Variants in DHX58 observed in about 807,000 individuals in gnomAD.
DHX58 encodes DExH-box helicase 58, also known as ATP-dependent RNA helicase DHX58.
A neutral mutation model predicts 65.0 loss-of-function variants in DHX58; 51 were observed. That is an observed-to-expected ratio of 0.78 (90% CI 0.63 to 0.99). The LOEUF (loss-of-function observed/expected upper bound fraction) is 0.99. DHX58 is among the 50% of genes least tolerant of loss of function. The pLI, the probability that DHX58 is intolerant of heterozygous loss-of-function variation, is 0.00. For synonymous variants in DHX58, 350 were observed against 365.0 expected (o/e 0.96, Z 0.47); for missense variants, 773 against 891.8 (o/e 0.87, Z 1.70).
chr17:42,107,365 A>ATT (rs202158569), intron 8 of DHX58, among the ~76,000 whole-genome samples: 7 of 114,952 alleles, frequency 6.1e-5, no homozygotes, highest in African/African-American at 2.9e-4. Flanking sequence ...GACCCCGACT[A>ATT]TTAAAAAAAA....
chr17:42,107,517 A>G, intron 8 of DHX58, 87 bp downstream of exon 8: 1 of 1,420,276 alleles, frequency 7.0e-7, no homozygotes, highest in Non-Finnish European at 9.3e-7. Flanking sequence ...GCACCTTCCC[A>G]TCCGACCTTG....
rs782699664 is a variant in DHX58, at chr17:42,110,732, G to C, written c.552C>G (p.His184Gln). ...GASKLDGAIN[H>Q]VLQLCANLDT... ...CAGGGGCCAGGCTGACCTGCAGGAC[G>C]TGGTTGATGGCCCCATCGAGTTTGG... The change falls in exon 5 of 14, where the codon CAC becomes CAG. Residue 184 changes from histidine to glutamine, a missense_variant. Physicochemically the swap from His to Gln is conservative, Grantham distance 24. Transcript: ENST00000251642. 6.2e-7 allele frequency: 1 copy of C among 1,604,402 alleles called. No individual in the cohort carries two copies. The highest frequency in any genetic ancestry group is 8.5e-7 in the Non-Finnish European group (1 of 1,174,966).
chr17:42,107,528 G>A lies in DHX58; in HGVS notation c.997+76C>T, dbSNP rs1383798023. On this transcript the variant is annotated intron_variant, in intron 8 of 13. Transcript: ENST00000251642. ...ACGGGCACCTTCCCATCCGACCTTG[G>A]CGCCTGTGCCCTGGCCTCTGACCTC... The A allele has an allele frequency of 2.1e-6, 3 of 1,438,280 alleles. 1 individual carries two copies. Among genetic ancestry groups the A allele is most frequent in the Non-Finnish European group, 2.8e-6 (3 of 1,089,180 alleles). The allele number at this position is 1,438,280 out of a possible 1,614,324, so 89.1% of individuals were successfully genotyped here.
chr17:42,107,555 C>A lies in DHX58; in HGVS notation c.997+49G>T. On this transcript the variant is annotated intron_variant, in intron 8 of 13. Coordinates refer to ENST00000251642, the MANE Select transcript of DHX58 (RefSeq NM_024119.3). ...GCCTGTGCCCTGGCCTCTGACCTCG[C>A]ATCCAGGTCCCATCATCCCCGGCCC... 3 of 1,487,088 alleles carry A rather than the reference C, an allele frequency of 2.0e-6. No individual in the cohort carries two copies. The South Asian group carries it at 4.1e-5, about 20-fold the overall frequency. 92.1% of individuals were successfully genotyped at this position (1,487,088 alleles called of 1,614,324 possible).
chr17:42,110,868 T>C lies in DHX58; in HGVS notation c.416A>G (p.Asp139Gly). 6.2e-7 allele frequency: 1 copy of C among 1,613,600 alleles called. No homozygotes were observed. Among genetic ancestry groups the C allele is most frequent in the Non-Finnish European group, 8.5e-7 (1 of 1,179,762 alleles). Residue 139 changes from aspartate to glycine, a missense_variant, in exon 5 of 14, where the codon GAC becomes GGC. By Grantham distance (94) the Asp-to-Gly change is moderately conservative. Coordinates refer to ENST00000251642, the MANE Select transcript of DHX58 (RefSeq NM_024119.3). ...GCTCATGATGACGTTGTAGACGGTG[T>C]CCTTGTGCGTGTGGTGGCACTCATC... ...VVDECHHTHK[D>G]TVYNVIMSQY...
Position 42,102,270 on chromosome 17 carries a change from T to G in DHX58, c.1797A>C (p.Lys599Asn), listed in dbSNP as rs996683567. Reference sequence around the variant, plus strand: ...CCCCAGGCTTCCAGTCCTTGAAGACTTTGTTGATGACCACAGGATCCCTGG... The same window carrying G: ...CCCCAGGCTTCCAGTCCTTGAAGACGTTGTTGATGACCACAGGATCCCTGG... ...NVSRDPVVIN[K>N]VFKDWKPGGV... The change falls in exon 13 of 14, where the codon AAA becomes AAC. Residue 599 changes from lysine to asparagine, a missense_variant. By Grantham distance (94) the Lys-to-Asn change is moderately conservative. Transcript: ENST00000251642. 6.2e-7 allele frequency: 1 copy of G among 1,614,046 alleles called. No homozygotes were observed. Among genetic ancestry groups the G allele is most frequent in the Non-Finnish European group, 8.5e-7 (1 of 1,180,022 alleles).
chr17:42,102,527 G>A (rs182745086), intron 12 of DHX58: 52 of 532,584 alleles, frequency 9.8e-5, no homozygotes, highest in East Asian at 3.2e-5. Flanking sequence ...CCTCAGCATC[G>A]GTTACCTGGT....
chr17:42,101,859 TC>T lies in DHX58; in HGVS notation c.1938del (p.Ile647SerfsTer93), dbSNP rs1555661600. 9.3e-6 allele frequency: 15 copies of T among 1,614,096 alleles called. No individual in the cohort carries two copies. The highest frequency in any genetic ancestry group is 3.3e-5 in the Admixed American group (2 of 60,008). On this transcript the variant is annotated frameshift_variant, in exon 14 of 14. Transcript: ENST00000251642. LOFTEE classifies it high-confidence loss of function. The part of the protein sequence containing the change: ...RSMLLETPQG[R>X]IQAKKWSRVP... ...ACGCGGGACCACTTTTTGGCCTGGA[TC>T]CGCCCCTGAGGGGTCTCCAGCAGCA...
rs906943275 is a variant in DHX58, at chr17:42,101,454, A to C, written c.*307T>G. 1.1e-5 allele frequency: 3 copies of C among 277,646 alleles called. No homozygotes were observed. The highest frequency in any genetic ancestry group is 6.5e-5 in the African/African-American group (3 of 45,822). 17.2% of individuals were successfully genotyped at this position (277,646 alleles called of 1,614,324 possible). A position where few individuals can be genotyped will look rare whatever the true frequency, so the allele number is the denominator to read the frequency against. ...TTTTATGAGGAGCCTCAAAAAATAGAAGTGGCCTTGGTAGGGAAGGAATGT... is the reference window on the plus strand; with the variant it reads ...TTTTATGAGGAGCCTCAAAAAATAGCAGTGGCCTTGGTAGGGAAGGAATGT... On this transcript the variant is annotated 3_prime_UTR_variant, in exon 14 of 14. Transcript: ENST00000251642.
intron 12 of DHX58, 69 bp from the exon 13 acceptor site, chr17:42,102,381 C>T (rs1555661721): frequency 2.9e-6 from 4 of 1,381,602 alleles, no homozygotes; most frequent in Non-Finnish European, 2.1e-6. Context: ...TGCCCTCCTG[C>T]CGGCCAAGTC....
Position 42,103,804 on chromosome 17 carries a change from G to T in DHX58, c.1564-6C>A. The T allele has an allele frequency of 6.2e-7, 1 of 1,601,250 alleles. No individual in the cohort carries two copies. Among genetic ancestry groups the T allele is most frequent in the Non-Finnish European group, 8.5e-7 (1 of 1,177,432 alleles). On this transcript the variant is annotated splice_region_variant and splice_polypyrimidine_tract_variant and intron_variant, in intron 11 of 13. Coordinates refer to ENST00000251642, the MANE Select transcript of DHX58 (RefSeq NM_024119.3). ...GCCTGCTGCAGATCCCGGATCTGGG[G>T]TGGGAGGAGACACCAGGCATGGCTG... is the stretch of plus-strand genomic sequence containing the variant.
At chr17:42,104,660 G>C in intron 11 of DHX58, 106 bp downstream of exon 11, 2 of 1,456,118 alleles carry the variant, frequency 1.4e-6, no homozygotes, top group Admixed American at 2.2e-5. Context: ...AGTTAGCCCC[G>C]AGATGTAGAG....
intron 11 of DHX58, 75 bp downstream of exon 11, chr17:42,104,691 T>A: frequency 6.4e-7 from 1 of 1,568,470 alleles, no homozygotes; most frequent in Non-Finnish European, 8.6e-7. Flanking sequence ...GACGTATGTG[T>A]GCAGTCAGAA....
chr17:42,103,687 A>G lies in DHX58; in HGVS notation c.1675T>C (p.Cys559Arg). The change falls in exon 12 of 14, where the codon TGC becomes CGC. Residue 559 changes from cysteine (C) to arginine (R), a missense_variant. Transcript: ENST00000251642. ...VEHVQLLCINCMVAVGHGSDL... is the reference protein window; with the variant it reads ...VEHVQLLCINRMVAVGHGSDL... ...CTGCCATGGCCCACAGCCACCATGC[A>G]GTTGATGCAGAGTAGCTGCACGTGC... 1.2e-6 allele frequency: 2 copies of G among 1,613,974 alleles called. No individual in the cohort carries two copies. Among genetic ancestry groups the G allele is most frequent in the Non-Finnish European group, 1.7e-6 (2 of 1,180,018 alleles).
intron 8 of DHX58, 28 bp downstream of exon 8, chr17:42,107,576 G>T (rs530443900): frequency 4.1e-6 from 6 of 1,460,212 alleles, no homozygotes; most frequent in Non-Finnish European, 5.6e-6. Flanking sequence ...CATCATCCCC[G>T]GCCCCGAAGC....
At position 42,104,768 on chromosome 17, in the gene DHX58, T is replaced by G. The variant is rs782135070; in HGVS notation, c.1561A>C (p.Lys521Gln). ...QKMDQAEYQA[K>Q]IRDLQQAALT... ...GGGCATGCAGGCTGCCTGCAGACCT[T>G]GGCCTGGTACTCGGCCTGGTCCATT... is the stretch of plus-strand genomic sequence containing the variant. Residue 521 changes from lysine to glutamine, a missense_variant and splice_region_variant, in exon 11 of 14, where the codon AAG becomes CAG. By Grantham distance (53) the Lys-to-Gln change is moderately conservative. Transcript: ENST00000251642. 170 of 1,613,724 alleles carry G rather than the reference T, an allele frequency of 1.1e-4. No individual in the cohort carries two copies. The highest frequency in any genetic ancestry group is 1.4e-4 in the Non-Finnish European group (163 of 1,179,980).
chr17:42,108,632 C>G (rs1349153200), intron 6 of DHX58, among the ~76,000 whole-genome samples: 1 of 152,258 alleles, frequency 6.6e-6, no homozygotes, highest in East Asian at 1.9e-4. Context: ...CAGGAACCCG[C>G]TTGTGCCCAG....
At position 42,106,000 on chromosome 17, in the gene DHX58, C is replaced by T; in HGVS notation, c.998-11G>A. 1 of 1,607,630 alleles carries T rather than the reference C, an allele frequency of 6.2e-7. No homozygotes were observed. The highest frequency in any genetic ancestry group is 8.5e-7 in the Non-Finnish European group (1 of 1,176,650). ...GCTCATTCTTGCGGTCTGTCAAAAA[C>T]CCCAAAATTTAGCTGGGTGTAGTGG... On this transcript the variant is annotated splice_polypyrimidine_tract_variant and intron_variant, in intron 8 of 13. Transcript: ENST00000251642.
chr17:42,107,604 C>T lies in DHX58; in HGVS notation c.997G>A (p.Asp333Asn). ...AERRLLALFD[D>N]RKNELAHLAT... ...CCCGAAGCCCCCTCCCGCCCCTCAC[C>T]ATCGAACAGGGCCAGCAGCCGGCGC... The change falls in exon 8 of 14, where the codon GAC (aspartate) becomes AAC (asparagine). Residue 333 changes from aspartate to asparagine, a missense_variant and splice_region_variant. Physicochemically the swap from Asp to Asn is conservative, Grantham distance 23. Coordinates refer to ENST00000251642, the MANE Select transcript of DHX58 (RefSeq NM_024119.3). 6.3e-7 allele frequency: 1 copy of T among 1,590,728 alleles called. No homozygotes were observed. Among genetic ancestry groups the T allele is most frequent in the Non-Finnish European group, 8.6e-7 (1 of 1,165,916 alleles).
Sources: gnomAD v4.1 joint callset for allele counts (sites outside exome capture counted in the v4.1 genomes callset) on GRCh38, gnomAD v4.1.1 for gene constraint, MANE v1.5 for transcripts, NCBI Gene and HGNC (gene_info 2026-07-23, HGNC 2026-07-21) for gene names.